Variants in GAS7 observed in about 807,000 individuals in gnomAD.
GAS7 encodes the protein growth arrest-specific protein 7.
GAS7 carries 28 observed loss-of-function variants against 71.1 expected under a neutral mutation model. The ratio of observed to expected loss-of-function variants is 0.39; its 90% CI spans 0.29 to 0.54. The LOEUF is 0.54. Among genes scored for constraint, GAS7 ranks in the 20% least tolerant of loss-of-function variants. GAS7 has a pLI of 0.62. For missense variants in GAS7, 436 were observed against 627.8 expected (o/e 0.69, Z 3.27); for synonymous variants, 258 against 245.8 (o/e 1.05, Z -0.46).
chr17:10,173,516 T>G (rs1411059448), intron 1 of GAS7, among the ~76,000 whole-genome samples: 1 of 150,866 alleles, frequency 6.6e-6, no homozygotes, highest in Non-Finnish European at 1.5e-5. Flanking sequence ...CGCCTATAAT[T>G]CCAGCACTTT....
chr17:9,927,928 G>A (rs7213191), intron 9 of GAS7, among the ~76,000 whole-genome samples: 53,397 of 151,842 alleles, frequency 0.35, 9,916 homozygotes, highest in Non-Finnish European at 0.42. Flanking sequence ...AAAGGGAACC[G>A]CCCTGTATCC....
chr17:9,968,823 A>T (rs535852570), intron 4 of GAS7, among the ~76,000 whole-genome samples: 1 of 152,196 alleles, frequency 6.6e-6, no homozygotes, highest in African/African-American at 2.4e-5. Context: ...AACATCATCA[A>T]TATTATCATC....
chr17:10,096,148 G>T (rs1050598949), intron 1 of GAS7, among the ~76,000 whole-genome samples: 1 of 152,150 alleles, frequency 6.6e-6, no homozygotes, highest in Non-Finnish European at 1.5e-5. Flanking sequence ...GAGAATCACA[G>T]GCCACTGACA....
At chr17:10,040,675 G>A (rs1012098484) in intron 1 of GAS7, among the ~76,000 whole-genome samples, 36 of 151,748 alleles carry the variant, frequency 2.4e-4, no homozygotes, top group African/African-American at 8.5e-4. Flanking sequence ...GCCATGAAGA[G>A]GAGGCAAGAG....
At position 9,999,517 on chromosome 17, in the gene GAS7, CA is replaced by C. The variant is rs58784129; in HGVS notation, c.305-17634del. Among the ~76,000 whole-genome samples, 361 of 141,522 alleles carry C rather than the reference CA, an allele frequency of 2.6e-3. 1 individual carries two copies. Among genetic ancestry groups the C allele is most frequent in the African/African-American group, 5.9e-3 (233 of 39,752 alleles). 92.8% of individuals were successfully genotyped at this position (141,522 alleles called of 152,430 possible). ...TAAGTGACAGGGTAAGACTTTGCCT[CA>C]AAAAAAAAAAAATTATGCTCAAAAT... On this transcript the variant is annotated intron_variant, in intron 2 of 13. Coordinates refer to ENST00000432992, the MANE Select transcript of GAS7 (RefSeq NM_201433.2).
chr17:10,195,655 G>A (rs745979766), intron 1 of GAS7, among the ~76,000 whole-genome samples: 3 of 152,206 alleles, frequency 2.0e-5, no homozygotes, highest in African/African-American at 4.8e-5. Flanking sequence ...ATCTCATGAG[G>A]TTCGCCATCT....
chr17:10,041,158 T>TA (rs563870890), intron 1 of GAS7, among the ~76,000 whole-genome samples: 50,012 of 116,528 alleles, frequency 0.43, 9,571 homozygotes, highest in Middle Eastern at 0.5. Context: ...CAAGACTGCC[T>TA]AAAAAAAAAA....
chr17:9,978,619 A>T (rs2070295989), intron 3 of GAS7, among the ~76,000 whole-genome samples: 1 of 152,124 alleles, frequency 6.6e-6, no homozygotes, highest in African/African-American at 2.4e-5. Flanking sequence ...AGGAGGCTGC[A>T]GTGAGCTATG....
chr17:10,158,719 C>A (rs1160214597), intron 1 of GAS7, among the ~76,000 whole-genome samples: 1 of 151,872 alleles, frequency 6.6e-6, no homozygotes, highest in Non-Finnish European at 1.5e-5. Context: ...TCTTGCAACT[C>A]TTCAAATTTT....
chr17:9,911,988 C>A lies in GAS7; in HGVS notation c.*5240G>T. On this transcript the variant is annotated 3_prime_UTR_variant, in exon 14 of 14. Coordinates refer to ENST00000432992, the MANE Select transcript of GAS7 (RefSeq NM_201433.2). The surrounding 1 kb of genome is among the most constrained non-coding windows in gnomAD (Gnocchi z 4.0). ...CAGTGGGGTGCAGGTACAGGCCAGG[C>A]TGTGTGATCACCAGCTAGGCAAGGC... The A allele has an allele frequency of 4.3e-6, 1 of 232,110 alleles. No individual in the cohort carries two copies. Among genetic ancestry groups the A allele is most frequent in the Non-Finnish European group, 8.5e-6 (1 of 117,316 alleles). 14.4% of individuals were successfully genotyped at this position (232,110 alleles called of 1,614,324 possible).
rs71365731 is a variant in GAS7 at position 10,165,291 on chromosome 17, C to CAAAAAAAAAAAA, written c.183+32905_183+32916dup. Among the ~76,000 whole-genome samples the CAAAAAAAAAAAA allele has an allele frequency of 1.5e-4, 12 of 77,592 alleles. No homozygotes were observed. In the East Asian group the frequency reaches 1.7e-3, roughly 11 times the overall value. 50.9% of individuals were successfully genotyped at this position (77,592 alleles called of 152,430 possible). On this transcript the variant is annotated intron_variant, in intron 1 of 13. Transcript: ENST00000432992. ...TGTGCGACAGAGCGAGATTCCTTCT[C>CAAAAAAAAAAAA]AAAAAAAAAAAAAAAAAAAAGAAAA... is the stretch of plus-strand genomic sequence containing the variant.
At chr17:10,064,346 C>T (rs1032125539) in intron 1 of GAS7, among the ~76,000 whole-genome samples, 116 of 152,334 alleles carry the variant, frequency 7.6e-4, no homozygotes, top group African/African-American at 2.5e-3. Context: ...AGCAGGCTCT[C>T]GTAGCATCTG....
At position 9,934,183 on chromosome 17, in the gene GAS7, G is replaced by C. The variant is rs1468222505; in HGVS notation, c.868C>G (p.Leu290Val). 1 of 1,611,358 alleles carries C rather than the reference G, an allele frequency of 6.2e-7. No individual in the cohort carries two copies. Among genetic ancestry groups the C allele is most frequent in the Admixed American group, 1.7e-5 (1 of 59,942 alleles). Residue 290 changes from leucine (L) to valine (V), a missense_variant, in exon 9 of 14, where the codon CTC (leucine) becomes GTC (valine). By Grantham distance (32) the Leu-to-Val change is conservative. Coordinates refer to ENST00000432992, the MANE Select transcript of GAS7 (RefSeq NM_201433.2). ...KSLADEAEVH[L>V]KFSAKLHSEV... Reference sequence around the variant, plus strand: ...GGGGTTACCTTGGCAGAGAACTTGAGGTGAACTTCTGCTTCGTCCGCCAGG... The same window carrying C: ...GGGGTTACCTTGGCAGAGAACTTGACGTGAACTTCTGCTTCGTCCGCCAGG...
chr17:9,943,765 TGGGTTGAA>T (rs2068692454), intron 6 of GAS7, among the ~76,000 whole-genome samples: 1 of 151,848 alleles, frequency 6.6e-6, no homozygotes, highest in Non-Finnish European at 1.5e-5. Context: ...AGAGAGAAAG[TGGGTTGAA>T]GGGAGGCCGG....
At chr17:9,954,368 T>A (rs1415273610) in intron 5 of GAS7, among the ~76,000 whole-genome samples, 1 of 151,738 alleles carries the variant, frequency 6.6e-6, no homozygotes, top group East Asian at 1.9e-4. Flanking sequence ...GAGTAACAAT[T>A]AATCAGGCTG....
chr17:10,170,421 C>T (rs74685976), intron 1 of GAS7, among the ~76,000 whole-genome samples: 7,742 of 152,196 alleles, frequency 0.051, 329 homozygotes, highest in Admixed American at 0.14. Flanking sequence ...GTTCCCTGAC[C>T]ACTCCAGGAA....
At chr17:9,928,732 C>A (rs1328943650) in intron 9 of GAS7, among the ~76,000 whole-genome samples, 23 of 152,242 alleles carry the variant, frequency 1.5e-4, no homozygotes, top group Admixed American at 1.5e-3. Context: ...TTCTAAGCAA[C>A]TGACTTACAC....
chr17:10,142,174 C>T (rs1401959450), intron 1 of GAS7, among the ~76,000 whole-genome samples: 1 of 150,858 alleles, frequency 6.6e-6, no homozygotes, highest in Admixed American at 6.6e-5. Context: ...CGAAATAGGG[C>T]CACTGCAGTC....
At chr17:10,133,794 T>C (rs1329912376) in intron 1 of GAS7, among the ~76,000 whole-genome samples, 2 of 147,348 alleles carry the variant, frequency 1.4e-5, no homozygotes, top group East Asian at 2.1e-4. Flanking sequence ...GATCACATGG[T>C]ATTTATCTTT....
Sources: gnomAD v4.1 joint callset for allele counts (sites outside exome capture counted in the v4.1 genomes callset) on GRCh38, gnomAD v4.1.1 for gene constraint, Gnocchi (gnomAD v3.1) non-coding constraint, MANE v1.5 for transcripts, NCBI Gene and HGNC (gene_info 2026-07-23, HGNC 2026-07-21) for gene names.